Variants in EPHA3 observed in about 807,000 individuals in gnomAD.
EPHA3 encodes EPH receptor A3.
A neutral mutation model predicts 107.1 loss-of-function variants in EPHA3; 42 were observed. The ratio of observed to expected loss-of-function variants is 0.39; its 90% CI spans 0.31 to 0.51. The LOEUF (loss-of-function observed/expected upper bound fraction) is 0.51. Ranked by LOEUF, EPHA3 falls within the 20% of genes least tolerant of loss-of-function variation. The pLI is 0.78. For missense variants in EPHA3, 1,183 were observed against 1,211.2 expected (o/e 0.98, Z 0.35); for synonymous variants, 461 against 424.8 (o/e 1.09, Z -1.05).
chr3:89,113,987 C>T (rs575074958), intron 1 of EPHA3, among the ~76,000 whole-genome samples: 2 of 152,076 alleles, frequency 1.3e-5, no homozygotes, highest in Non-Finnish European at 2.9e-5. Context: ...ATCCCCCAAC[C>T]CTTCATTTTC....
At chr3:89,281,921 A>G (rs1223499361) in intron 3 of EPHA3, among the ~76,000 whole-genome samples, 4 of 152,218 alleles carry the variant, frequency 2.6e-5, no homozygotes, top group Admixed American at 2.6e-4. Context: ...TAGTTCTTTC[A>G]ACACCTATTT....
At chr3:89,248,856 A>T (rs1705098214) in intron 3 of EPHA3, among the ~76,000 whole-genome samples, 1 of 152,312 alleles carries the variant, frequency 6.6e-6, no homozygotes, top group South Asian at 2.1e-4. Flanking sequence ...AAAATGAAAA[A>T]CCATGTGCAC....
chr3:89,411,646 A>G (rs1441819024), intron 9 of EPHA3, among the ~76,000 whole-genome samples: 2 of 151,940 alleles, frequency 1.3e-5, no homozygotes, highest in African/African-American at 4.8e-5. Flanking sequence ...ATCGTAATGC[A>G]TTATAACCAT....
intron 3 of EPHA3, among the ~76,000 whole-genome samples, chr3:89,252,662 C>T (rs1705191761): frequency 6.6e-6 from 1 of 151,976 alleles, no homozygotes; most frequent in South Asian, 2.1e-4. Context: ...CCCAGGAAGT[C>T]AAAGGGGCAG....
At chr3:89,420,369 C>T (rs1005217339) in intron 11 of EPHA3, among the ~76,000 whole-genome samples, 1 of 151,398 alleles carries the variant, frequency 6.6e-6, no homozygotes, top group Non-Finnish European at 1.5e-5. Context: ...AAGGCATTTC[C>T]TTCCTCATGA....
At chr3:89,413,860 T>TTAA (rs1709199845) in intron 10 of EPHA3, among the ~76,000 whole-genome samples, 1 of 151,664 alleles carries the variant, frequency 6.6e-6, no homozygotes, top group Admixed American at 6.6e-5. Context: ...CAATCACCTA[T>TTAA]TAAGTGGTTA....
intron 2 of EPHA3, among the ~76,000 whole-genome samples, chr3:89,193,629 T>C (rs1705769492): frequency 6.6e-6 from 1 of 151,984 alleles, no homozygotes; most frequent in Non-Finnish European, 1.5e-5. Context: ...AAATCATAGA[T>C]ATACTCATTA....
At chr3:89,262,983 T>A (rs1433553301) in intron 3 of EPHA3, among the ~76,000 whole-genome samples, 2 of 120,506 alleles carry the variant, frequency 1.7e-5, no homozygotes, top group African/African-American at 6.7e-5. Flanking sequence ...TTTTTTTTTT[T>A]TTTTTTTAAT....
chr3:89,260,977 T>C (rs1231396236), intron 3 of EPHA3, among the ~76,000 whole-genome samples: 1 of 152,216 alleles, frequency 6.6e-6, no homozygotes, highest in African/African-American at 2.4e-5. Flanking sequence ...CTGTCTTCCA[T>C]TATCTGCACA....
At chr3:89,218,593 A>G (rs1251637921) in intron 3 of EPHA3, among the ~76,000 whole-genome samples, 56 of 152,168 alleles carry the variant, frequency 3.7e-4, no homozygotes, top group Admixed American at 3.7e-3. Flanking sequence ...GCCACAATAA[A>G]CATACGTTTG....
chr3:89,443,100 A>G (rs1709815295), intron 13 of EPHA3, among the ~76,000 whole-genome samples: 1 of 152,196 alleles, frequency 6.6e-6, no homozygotes, highest in African/African-American at 2.4e-5. Flanking sequence ...TTAATGTTTT[A>G]ACATTTTACT....
intron 3 of EPHA3, among the ~76,000 whole-genome samples, chr3:89,297,920 G>A (rs1180482025): frequency 3.3e-5 from 5 of 152,026 alleles, no homozygotes; most frequent in South Asian, 2.1e-4. Context: ...CTGTAATCCC[G>A]GCTACTCAGG....
intron 2 of EPHA3, among the ~76,000 whole-genome samples, chr3:89,175,077 T>A (rs1389570386): frequency 6.6e-6 from 1 of 151,884 alleles, no homozygotes; most frequent in African/African-American, 2.4e-5. Context: ...GCATTTTTTT[T>A]TTTTTTTTGT....
At chr3:89,114,591 G>T (rs1707208387) in intron 1 of EPHA3, among the ~76,000 whole-genome samples, 1 of 152,200 alleles carries the variant, frequency 6.6e-6, no homozygotes, top group African/African-American at 2.4e-5. Flanking sequence ...CGCGACCAGG[G>T]TGCCACGGCC....
chr3:89,159,948 CT>C (rs1317461633), intron 2 of EPHA3, among the ~76,000 whole-genome samples: 15 of 151,886 alleles, frequency 9.9e-5, no homozygotes, highest in African/African-American at 3.6e-4. Context: ...TTCCTTCCTT[CT>C]TTTCCTTCTT....
chr3:89,313,905 T>G (rs562354503), intron 3 of EPHA3, among the ~76,000 whole-genome samples: 1 of 152,094 alleles, frequency 6.6e-6, no homozygotes, highest in African/African-American at 2.4e-5. Context: ...AGGTATATAT[T>G]TTTTATAAAG....
At chr3:89,370,184 G>A (rs1708269660) in intron 5 of EPHA3, among the ~76,000 whole-genome samples, 1 of 150,888 alleles carries the variant, frequency 6.6e-6, no homozygotes, top group Non-Finnish European at 1.5e-5. Flanking sequence ...TATAAGTCAT[G>A]CTGCTATAAA....
chr3:89,157,104 A>G (rs141992287), intron 2 of EPHA3, among the ~76,000 whole-genome samples: 1 of 152,176 alleles, frequency 6.6e-6, no homozygotes, highest in African/African-American at 2.4e-5. Context: ...TTGCAGATAT[A>G]TAAGAATGAA....
At chr3:89,155,731 C>T (rs1704789392) in intron 2 of EPHA3, among the ~76,000 whole-genome samples, 1 of 152,070 alleles carries the variant, frequency 6.6e-6, no homozygotes, top group Admixed American at 6.6e-5. Flanking sequence ...AACCACTTCT[C>T]ATATACCAGT....
Sources: gnomAD v4.1 joint callset for allele counts (sites outside exome capture counted in the v4.1 genomes callset) on GRCh38, gnomAD v4.1.1 for gene constraint, MANE v1.5 for transcripts, NCBI Gene and HGNC (gene_info 2026-07-23, HGNC 2026-07-21) for gene names.